The following CFTR variants were observed in gnomAD, a reference collection of about 807,000 sequenced individuals.
CFTR encodes the protein CF transmembrane conductance regulator, also known as cystic fibrosis transmembrane conductance regulator.
CFTR carries 181 observed loss-of-function variants against 171.6 expected under a neutral mutation model. The ratio of observed to expected loss-of-function variants is 1.05; its 90% confidence interval spans 0.93 to 1.19. CFTR has a LOEUF of 1.19. Among genes scored for constraint, CFTR ranks in the 50% most tolerant of loss-of-function variants. The probability of loss-of-function intolerance (pLI) is 0.00; values close to 1 mark genes in which losing one functional copy is unlikely to be tolerated. For synonymous variants in CFTR, 583 were observed against 608.0 expected (o/e 0.96, Z 0.60); for missense variants, 1,968 against 1,734.7 (o/e 1.13, Z -2.39).
intron 1 of CFTR, among the ~76,000 whole-genome samples, chr7:117,499,429 C>G (rs1584772291): frequency 7.4e-6 from 1 of 135,828 alleles, no homozygotes; most frequent in Non-Finnish European, 1.6e-5. Context: ...ATAGTTTCAT[C>G]TGTGTGTGTG....
intron 3 of CFTR, among the ~76,000 whole-genome samples, chr7:117,510,076 C>T (rs35045003): frequency 0.015 from 2,238 of 151,952 alleles, 54 homozygotes; most frequent in African/African-American, 0.051. Context: ...ACACTTAGGC[C>T]CAGAATGTTC....
At chr7:117,497,458 C>A (rs1057188716) in intron 1 of CFTR, among the ~76,000 whole-genome samples, 16 of 152,108 alleles carry the variant, frequency 1.1e-4, no homozygotes, top group South Asian at 6.2e-4. Flanking sequence ...CTCTCATGAA[C>A]ATCAGGAATA....
chr7:117,619,563 G>A (rs1428709740), intron 21 of CFTR, among the ~76,000 whole-genome samples: 1 of 152,184 alleles, frequency 6.6e-6, no homozygotes, highest in Non-Finnish European at 1.5e-5. Flanking sequence ...GAAGTCTGAT[G>A]TGTAGAGAAA....
intron 23 of CFTR, among the ~76,000 whole-genome samples, chr7:117,650,521 G>A (rs960459081): frequency 2.2e-4 from 34 of 151,914 alleles, no homozygotes; most frequent in African/African-American, 8.0e-4. Flanking sequence ...ATCTTTGCAA[G>A]CCACATTGCC....
chr7:117,516,709 G>A (rs1026053926), intron 3 of CFTR, among the ~76,000 whole-genome samples: 4 of 151,728 alleles, frequency 2.6e-5, no homozygotes, highest in African/African-American at 9.7e-5. Context: ...ATATTTATGG[G>A]GTACATGTGA....
intron 3 of CFTR, among the ~76,000 whole-genome samples, chr7:117,510,478 C>A (rs1259580596): frequency 3.3e-5 from 5 of 152,118 alleles, no homozygotes; most frequent in Non-Finnish European, 1.5e-5. Context: ...AATGATATTT[C>A]AAGTAATTGT....
At chr7:117,536,222 A>G (rs1014189882) in intron 6 of CFTR, among the ~76,000 whole-genome samples, 1 of 152,186 alleles carries the variant, frequency 6.6e-6, no homozygotes, top group Non-Finnish European at 1.5e-5. Context: ...CCCAGATTGC[A>G]TGCTTACTAG....
At chr7:117,634,038 T>C (rs1281068443) in intron 22 of CFTR, among the ~76,000 whole-genome samples, 1 of 152,112 alleles carries the variant, frequency 6.6e-6, no homozygotes, top group Non-Finnish European at 1.5e-5. Context: ...CCTCTACTTT[T>C]ACATTTGAGA....
intron 24 of CFTR, among the ~76,000 whole-genome samples, chr7:117,660,671 T>TGC (rs1640667183): frequency 6.6e-6 from 1 of 151,234 alleles, no homozygotes; most frequent in Admixed American, 6.6e-5. Context: ...TATATATGTG[T>TGC]GTGTGTGTGT....
intron 11 of CFTR, among the ~76,000 whole-genome samples, chr7:117,577,737 T>C (rs558812429): frequency 3.3e-5 from 5 of 152,278 alleles, no homozygotes; most frequent in African/African-American, 1.2e-4. Flanking sequence ...GGGGTGCTGA[T>C]TCCCCATGCA....
intron 1 of CFTR, among the ~76,000 whole-genome samples, chr7:117,484,730 C>A (rs959122222): frequency 6.6e-6 from 1 of 150,980 alleles, no homozygotes; most frequent in Non-Finnish European, 1.5e-5. Flanking sequence ...TGTAAAATAT[C>A]TTTGTATATA....
intron 1 of CFTR, among the ~76,000 whole-genome samples, chr7:117,501,777 A>AAAAAAAAAAAAAAAAAAAAAAAAC (rs1798334726): frequency 1.5e-5 from 2 of 135,744 alleles, no homozygotes; most frequent in Admixed American, 7.5e-5. Context: ...AAAAAGAAAC[A>AAAAAAAAAAAAAAAAAAAAAAAAC]AAAAAAAAAA....
At position 117,488,670 on chromosome 7, in the gene CFTR, C is replaced by T. The variant is rs1001331104; in HGVS notation, c.53+8523C>T. On this transcript the variant is annotated intron_variant, in intron 1 of 26. Transcript: ENST00000003084. ...TTTCAAATAAAATTTTCCATGGGAC[C>T]GCAGTGTATACAAATAGCAGTGACA... is the stretch of plus-strand genomic sequence containing the variant. Among the ~76,000 whole-genome samples the T allele has an allele frequency of 3.9e-5, 6 of 151,938 alleles. No homozygotes were observed. The East Asian group carries it at 5.8e-4, about 15-fold the overall frequency.
In CFTR at chr7:117,603,536, C is replaced by T; in HGVS notation, c.2662C>T (p.Pro888Ser). 4 of 1,613,894 alleles carry T rather than the reference C, an allele frequency of 2.5e-6. No homozygotes were observed. The African/African-American group carries it at 5.3e-5, about 22-fold the overall frequency. Residue 888 changes from proline to serine, a missense_variant, in exon 17 of 27, where the codon CCT becomes TCT. Transcript: ENST00000003084. ...GATTTCCTATTTGCTTTACAGCACT[C>T]CTCTTCAAGACAAAGGGAATAGTAC... ...LVVLWLLGNTPLQDKGNSTHS... is the reference protein window; with the variant it reads ...LVVLWLLGNTSLQDKGNSTHS...
chr7:117,592,101 T>C lies in CFTR; in HGVS notation c.1934T>C (p.Met645Thr), dbSNP rs377731410. ...NLQPDFSSKLMGCDSFDQFSA... is the reference protein window; with the variant it reads ...NLQPDFSSKLTGCDSFDQFSA... ...CAGCCAGACTTTAGCTCAAAACTCA[T>C]GGGATGTGATTCTTTCGACCAATTT... is the stretch of plus-strand genomic sequence containing the variant. The change falls in exon 14 of 27, where the codon ATG becomes ACG. Residue 645 changes from methionine to threonine, a missense_variant. Physicochemically the swap from Met to Thr is moderately conservative, Grantham distance 81. Coordinates refer to ENST00000003084, the MANE Select transcript of CFTR (RefSeq NM_000492.4). 10 of 1,613,994 alleles carry C rather than the reference T, an allele frequency of 6.2e-6. No homozygotes were observed. The highest frequency in any genetic ancestry group is 1.7e-5 in the Admixed American group (1 of 59,992).
chr7:117,561,662 TACAGTG>T (rs1791495189), intron 11 of CFTR, among the ~76,000 whole-genome samples: 2 of 152,188 alleles, frequency 1.3e-5, no homozygotes, highest in African/African-American at 4.8e-5. Flanking sequence ...CTTTATTTTA[TACAGTG>T]TACTAGGAGC....
chr7:117,661,575 C>T (rs906171699), intron 24 of CFTR, among the ~76,000 whole-genome samples: 5 of 152,154 alleles, frequency 3.3e-5, no homozygotes, highest in Admixed American at 6.6e-5. Context: ...TCACTAACTT[C>T]GCAGTATTGC....
intron 1 of CFTR, among the ~76,000 whole-genome samples, chr7:117,480,664 A>G (rs1281827856): frequency 6.6e-6 from 1 of 152,198 alleles, no homozygotes; most frequent in Non-Finnish European, 1.5e-5. Context: ...TATATCTAGT[A>G]TTTGTCACAG....
chr7:117,508,039 G>A (rs1314107984), intron 2 of CFTR, among the ~76,000 whole-genome samples: 1 of 152,244 alleles, frequency 6.6e-6, no homozygotes, highest in Non-Finnish European at 1.5e-5. Context: ...GCCTCCCAAA[G>A]TGTTGGGATT....
Sources: allele counts gnomAD v4.1 joint callset (sites outside exome capture counted in the v4.1 genomes callset), GRCh38; gene constraint gnomAD v4.1.1; transcripts MANE v1.5; gene names NCBI Gene and HGNC (gene_info 2026-07-23, HGNC 2026-07-21).